The following RAPGEF6 variants were observed in gnomAD, a reference collection of about 807,000 sequenced individuals.
The protein encoded by RAPGEF6 is PDZ domain containing guanine nucleotide exchange factor (GEF) 2.
In RAPGEF6, 56 loss-of-function variants were observed where a neutral mutation model predicts 171.4. The ratio of observed to expected loss-of-function variants is 0.33; its 90% CI spans 0.26 to 0.41. The LOEUF (loss-of-function observed/expected upper bound fraction) is 0.41, where lower values mean the gene tolerates loss of function less well. RAPGEF6 is among the 10% of genes least tolerant of loss of function. RAPGEF6 has a pLI of 1.00. For missense variants in RAPGEF6, 1,674 were observed against 1,921.4 expected, an observed-to-expected ratio of 0.87 and a Z score of 2.41; for synonymous variants, 692 against 650.1, an observed-to-expected ratio of 1.06 and a Z score of -0.98.
chr5:131,570,762 T>C (rs1762230291), intron 4 of RAPGEF6, among the ~76,000 whole-genome samples: 1 of 152,100 alleles, frequency 6.6e-6, no homozygotes, highest in Non-Finnish European at 1.5e-5. Flanking sequence ...TCTCTCTATA[T>C]GTAAAATACT....
At chr5:131,455,680 T>G in intron 20 of RAPGEF6, 121 bp downstream of exon 20, 1 of 774,696 alleles carries the variant, frequency 1.3e-6, no homozygotes, top group Non-Finnish European at 2.1e-6. Context: ...ACTAGAAAAA[T>G]GGTAAAATAG....
At chr5:131,539,169 T>C (rs2149936376) in intron 6 of RAPGEF6, among the ~76,000 whole-genome samples, 1 of 152,318 alleles carries the variant, frequency 6.6e-6, no homozygotes, top group Middle Eastern at 3.4e-3. Flanking sequence ...AATAAGATTA[T>C]CAAAGATCCC....
chr5:131,442,951 C>CT (rs5871422), intron 22 of RAPGEF6, among the ~76,000 whole-genome samples: 35,091 of 146,652 alleles, frequency 0.24, 4,253 homozygotes, highest in East Asian at 0.49. Context: ...CAAAACCTGG[C>CT]TTTTTTTTTT....
chr5:131,548,901 C>T (rs994514720), intron 5 of RAPGEF6, among the ~76,000 whole-genome samples: 1 of 151,712 alleles, frequency 6.6e-6, no homozygotes, highest in African/African-American at 2.4e-5. Context: ...CCCATTTCTA[C>T]AGGGGGAAAA....
At chr5:131,557,875 T>C (rs1241589495) in intron 5 of RAPGEF6, among the ~76,000 whole-genome samples, 1 of 152,198 alleles carries the variant, frequency 6.6e-6, no homozygotes, top group African/African-American at 2.4e-5. Flanking sequence ...TGTTGTTTTA[T>C]CCTCTGTATG....
At chr5:131,601,424 A>G (rs974823264) in intron 3 of RAPGEF6, among the ~76,000 whole-genome samples, 3 of 152,036 alleles carry the variant, frequency 2.0e-5, no homozygotes, top group Non-Finnish European at 4.4e-5. Context: ...CACAGTGGAA[A>G]TAGATAATAG....
At chr5:131,553,875 A>C (rs1249095458) in intron 5 of RAPGEF6, among the ~76,000 whole-genome samples, 1 of 152,096 alleles carries the variant, frequency 6.6e-6, no homozygotes, top group Non-Finnish European at 1.5e-5. Context: ...GCACAAAGTC[A>C]TCATGAAGAG....
chr5:131,583,314 T>G (rs887343747), intron 4 of RAPGEF6, among the ~76,000 whole-genome samples: 3 of 152,180 alleles, frequency 2.0e-5, no homozygotes, highest in Admixed American at 1.3e-4. Flanking sequence ...TGAGTATTAA[T>G]TGTTTTTTAA....
At chr5:131,539,600 C>T (rs1759999994) in intron 6 of RAPGEF6, among the ~76,000 whole-genome samples, 1 of 152,092 alleles carries the variant, frequency 6.6e-6, no homozygotes. Context: ...TCCATAAAAG[C>T]GAAACACACT....
chr5:131,437,524 C>CA (rs1561463522), intron 24 of RAPGEF6, among the ~76,000 whole-genome samples: 1 of 152,160 alleles, frequency 6.6e-6, no homozygotes, highest in East Asian at 1.9e-4. Context: ...TGACTGGAGG[C>CA]ACTGCGGCTT....
At chr5:131,606,044 A>AG (rs1764548572) in intron 1 of RAPGEF6, among the ~76,000 whole-genome samples, 1 of 147,332 alleles carries the variant, frequency 6.8e-6, no homozygotes, top group Non-Finnish European at 1.5e-5. Flanking sequence ...AAAAAAAAAA[A>AG]AAAAAAAAAG....
intron 6 of RAPGEF6, among the ~76,000 whole-genome samples, chr5:131,541,914 C>G (rs1333429036): frequency 6.6e-6 from 1 of 152,176 alleles, no homozygotes; most frequent in Non-Finnish European, 1.5e-5. Flanking sequence ...ATTCCAAAAT[C>G]AGATTCATCA....
intron 6 of RAPGEF6, among the ~76,000 whole-genome samples, chr5:131,537,733 T>C (rs181478315): frequency 2.0e-5 from 3 of 152,314 alleles, no homozygotes; most frequent in East Asian, 3.9e-4. Flanking sequence ...TCTGTGTCCA[T>C]GGGTTCTGTA....
Position 131,425,038 on chromosome 5 carries a change from G to C in RAPGEF6, c.*2228C>G, listed in dbSNP as rs1751335260. 6.6e-6 allele frequency: 1 copy of C among 152,280 alleles called. No homozygotes were observed. The highest frequency in any genetic ancestry group is 2.4e-5 in the African/African-American group (1 of 41,412). The allele number at this position is 152,280 out of a possible 1,614,324, so 9.4% of individuals were successfully genotyped here. ...AAATCAAAACCTCATGATTTTTTAA[G>C]GGATACATACATAACAAACTACAAA... is the stretch of plus-strand genomic sequence containing the variant. On this transcript the variant is annotated 3_prime_UTR_variant, in exon 28 of 28. Transcript: ENST00000509018.
intron 4 of RAPGEF6, among the ~76,000 whole-genome samples, chr5:131,583,239 G>C (rs1052254263): frequency 3.3e-5 from 5 of 152,204 alleles, no homozygotes; most frequent in Admixed American, 2.0e-4. Flanking sequence ...TCCCAGCCAT[G>C]ATGGGAAGGG....
At chr5:131,538,120 CACT>C (rs1328739483) in intron 6 of RAPGEF6, among the ~76,000 whole-genome samples, 1 of 151,948 alleles carries the variant, frequency 6.6e-6, no homozygotes, top group Non-Finnish European at 1.5e-5. Context: ...AACAAAAAAC[CACT>C]ACAACAATAA....
intron 19 of RAPGEF6, among the ~76,000 whole-genome samples, chr5:131,459,031 CAAAGA>C (rs1753716329): frequency 1.3e-5 from 2 of 152,034 alleles, no homozygotes; most frequent in African/African-American, 4.8e-5. Flanking sequence ...CAGAAATAGC[CAAAGA>C]AAAGTATGAA....
intron 7 of RAPGEF6, among the ~76,000 whole-genome samples, chr5:131,513,655 C>G (rs986274388): frequency 6.6e-6 from 1 of 152,124 alleles, no homozygotes; most frequent in African/African-American, 2.4e-5. Flanking sequence ...ACTAAAAGAA[C>G]TTTTTTAGGA....
At chr5:131,478,053 T>C (rs770011798) in intron 16 of RAPGEF6, among the ~76,000 whole-genome samples, 1 of 152,096 alleles carries the variant, frequency 6.6e-6, no homozygotes, top group African/African-American at 2.4e-5. Flanking sequence ...ATTCAAAATT[T>C]TGGTATTTTA....
Sources: allele counts gnomAD v4.1 joint callset (sites outside exome capture counted in the v4.1 genomes callset), GRCh38; gene constraint gnomAD v4.1.1; transcripts MANE v1.5; gene names NCBI Gene and HGNC (gene_info 2026-07-23, HGNC 2026-07-21).